The following STOX1 variants were observed in gnomAD, a reference collection of about 807,000 sequenced individuals.
STOX1 encodes the protein storkhead-box protein 1.
In STOX1, 57 loss-of-function variants were observed where a neutral mutation model predicts 74.8. The ratio of observed to expected loss-of-function variants is 0.76; its 90% CI spans 0.62 to 0.95. The LOEUF is 0.95. Ranked by LOEUF, STOX1 falls within the 40% of genes least tolerant of loss-of-function variation. The pLI is 0.00. For missense variants in STOX1, 1,010 were observed against 1,117.0 expected (o/e 0.90, Z 1.37); for synonymous variants, 375 against 401.3 (o/e 0.93, Z 0.78).
At chr10:68,860,267 C>CG (rs202014254) in intron 1 of STOX1, among the ~76,000 whole-genome samples, 13,664 of 149,802 alleles carry the variant, frequency 0.091, 744 homozygotes, top group Middle Eastern at 0.14. Flanking sequence ...GACTCTGTCT[C>CG]GGTGGGGGAA....
intron 1 of STOX1, among the ~76,000 whole-genome samples, chr10:68,866,684 T>C (rs1241390256): frequency 6.6e-6 from 1 of 152,212 alleles, no homozygotes; most frequent in Non-Finnish European, 1.5e-5. Context: ...CCGTTCCTTC[T>C]GGCAGGGGTC....
intron 1 of STOX1, among the ~76,000 whole-genome samples, chr10:68,853,304 T>C (rs974897963): frequency 1.3e-5 from 2 of 152,126 alleles, no homozygotes; most frequent in African/African-American, 4.8e-5. Flanking sequence ...TATTCAGCTA[T>C]TGCCTGCAGA....
chr10:68,885,590 T>C lies in STOX1; in HGVS notation c.1794T>C (p.Cys598=), dbSNP rs373704837. 9.3e-6 allele frequency: 15 copies of C among 1,614,196 alleles called. No individual in the cohort carries two copies. The East Asian group carries it at 1.6e-4, about 17-fold the overall frequency. The change falls in exon 3 of 4, where the codon TGT becomes TGC. Residue 598 remains cysteine, a synonymous_variant. Transcript: ENST00000298596. The part of the protein sequence containing the change: ...QSMLQNDGKC[C]PFMESMLRYE... The stretch of plus-strand genomic sequence containing the variant: ...TGTTGCAAAATGATGGTAAATGCTG[T>C]CCCTTTATGGAAAGCATGTTGAGAT...
chr10:68,875,582 G>A (rs1029429623), intron 1 of STOX1, among the ~76,000 whole-genome samples: 1 of 152,182 alleles, frequency 6.6e-6, no homozygotes, highest in Non-Finnish European at 1.5e-5. Flanking sequence ...AGCCAGGATA[G>A]GATATTCTAG....
At chr10:68,887,390 C>G (rs1359568428) in intron 3 of STOX1, among the ~76,000 whole-genome samples, 1 of 152,078 alleles carries the variant, frequency 6.6e-6, no homozygotes, top group Non-Finnish European at 1.5e-5. Flanking sequence ...TCAAGTGATT[C>G]TCCTATCTCA....
intron 1 of STOX1, among the ~76,000 whole-genome samples, chr10:68,858,180 G>A (rs915181803): frequency 6.6e-6 from 1 of 152,082 alleles, no homozygotes; most frequent in Non-Finnish European, 1.5e-5. Context: ...CCTCCAGGAT[G>A]CCATGGGTCA....
At chr10:68,833,080 GTTTTTT>G (rs1185911507) in intron 1 of STOX1, among the ~76,000 whole-genome samples, 6 of 104,620 alleles carry the variant, frequency 5.7e-5, no homozygotes, top group Admixed American at 1.1e-4. Context: ...ACTTCTGTGG[GTTTTTT>G]TTTTTTTTTT....
chr10:68,844,210 C>A (rs1185607856), intron 1 of STOX1, among the ~76,000 whole-genome samples: 2 of 149,476 alleles, frequency 1.3e-5, no homozygotes, highest in Non-Finnish European at 1.5e-5. Context: ...AGTGGTAGTT[C>A]ATTGTGACTT....
chr10:68,871,454 C>A (rs1434270690), intron 1 of STOX1, among the ~76,000 whole-genome samples: 3 of 152,242 alleles, frequency 2.0e-5, no homozygotes, highest in Non-Finnish European at 4.4e-5. Context: ...GAAGACATTA[C>A]TAAGGACTCC....
At chr10:68,877,466 A>G (rs968969776) in intron 1 of STOX1, among the ~76,000 whole-genome samples, 6 of 152,194 alleles carry the variant, frequency 3.9e-5, no homozygotes, top group African/African-American at 1.4e-4. Flanking sequence ...TGAAGTAATT[A>G]TAGATTCACA....
In STOX1 at chr10:68,884,354, A is replaced by G; in HGVS notation, c.558A>G (p.Ile186Met). ...ATCACACTGGAGAAGGATACTTCAT[A>G]GTTACTCCTCAGACTTACTTCATTA... ...KIYHTGEGYF[I>M]VTPQTYFITN... The change falls in exon 3 of 4, where the codon ATA becomes ATG. Residue 186 changes from isoleucine (I) to methionine (M), a missense_variant. Physicochemically the swap from Ile to Met is conservative, Grantham distance 10. Coordinates refer to ENST00000298596, the MANE Select transcript of STOX1 (RefSeq NM_152709.5). 6.2e-7 allele frequency: 1 copy of G among 1,614,168 alleles called. No homozygotes were observed. The highest frequency in any genetic ancestry group is 8.5e-7 in the Non-Finnish European group (1 of 1,180,006).
At chr10:68,855,309 C>T (rs1017759538) in intron 1 of STOX1, among the ~76,000 whole-genome samples, 3 of 151,872 alleles carry the variant, frequency 2.0e-5, no homozygotes, top group South Asian at 2.1e-4. Flanking sequence ...TTAGTACAGA[C>T]GAGGTTTTGC....
At chr10:68,844,475 T>G (rs1839783010) in intron 1 of STOX1, among the ~76,000 whole-genome samples, 1 of 151,928 alleles carries the variant, frequency 6.6e-6, no homozygotes, top group South Asian at 2.1e-4. Context: ...ATTTTTGTAT[T>G]TTTAGTAGAG....
chr10:68,885,606 A>G lies in STOX1; in HGVS notation c.1810A>G (p.Met604Val). The change falls in exon 3 of 4, where the codon ATG (methionine) becomes GTG (valine). Residue 604 changes from methionine to valine, a missense_variant. Coordinates refer to ENST00000298596, the MANE Select transcript of STOX1 (RefSeq NM_152709.5). Reference sequence around the variant, plus strand: ...TAAATGCTGTCCCTTTATGGAAAGCATGTTGAGATATGAAGTGTATGGTGG... The same window carrying G: ...TAAATGCTGTCCCTTTATGGAAAGCGTGTTGAGATATGAAGTGTATGGTGG... Reference protein sequence around the residue: ...DGKCCPFMESMLRYEVYGGEN... With the variant: ...DGKCCPFMESVLRYEVYGGEN... 2 of 1,614,238 alleles carry G rather than the reference A, an allele frequency of 1.2e-6. No homozygotes were observed. Among genetic ancestry groups the G allele is most frequent in the Non-Finnish European group, 1.7e-6 (2 of 1,180,032 alleles).
chr10:68,893,563 G>A (rs1483683363), downstream of STOX1, among the ~76,000 whole-genome samples: 6 of 152,110 alleles, frequency 3.9e-5, no homozygotes, highest in Non-Finnish European at 1.5e-5. Context: ...GATTACAGGC[G>A]CCTGCCACCA....
At chr10:68,866,692 G>A (rs1840413450) in intron 1 of STOX1, among the ~76,000 whole-genome samples, 1 of 152,282 alleles carries the variant, frequency 6.6e-6, no homozygotes, top group South Asian at 2.1e-4. Context: ...TCTGGCAGGG[G>A]TCCGCAGGCT....
chr10:68,846,311 TA>T (rs886937614), intron 1 of STOX1, among the ~76,000 whole-genome samples: 3 of 151,488 alleles, frequency 2.0e-5, no homozygotes, highest in African/African-American at 7.3e-5. Flanking sequence ...CAGACCTGGC[TA>T]ATGTTTTTTG....
intron 1 of STOX1, among the ~76,000 whole-genome samples, chr10:68,878,910 TA>T (rs1840744312): frequency 6.6e-6 from 1 of 152,202 alleles, no homozygotes. Context: ...TCATGTTTGT[TA>T]AATGGTTAGC....
At chr10:68,847,760 G>A (rs146718652) in intron 1 of STOX1, among the ~76,000 whole-genome samples, 1 of 145,376 alleles carries the variant, frequency 6.9e-6, no homozygotes, top group Non-Finnish European at 1.5e-5. Flanking sequence ...ACGGAGTTTC[G>A]CTCTTGTTGC....
Sources: gnomAD v4.1 joint callset for allele counts (sites outside exome capture counted in the v4.1 genomes callset) on GRCh38, gnomAD v4.1.1 for gene constraint, MANE v1.5 for transcripts, NCBI Gene and HGNC (gene_info 2026-07-23, HGNC 2026-07-21) for gene names.